The following CLBA1 variants were observed in gnomAD, a reference collection of about 807,000 sequenced individuals.
The protein encoded by CLBA1 is uncharacterized protein CLBA1.
A neutral mutation model predicts 28.8 loss-of-function variants in CLBA1; 30 were observed. The observed-to-expected ratio is 1.04, with a 90% CI of 0.78 to 1.41. The LOEUF (loss-of-function observed/expected upper bound fraction) is 1.41. Among genes scored for constraint, CLBA1 ranks in the 40% most tolerant of loss-of-function variants. The pLI is 0.00. For synonymous variants in CLBA1, 160 were observed against 152.8 expected (o/e 1.05, Z -0.35); for missense variants, 451 against 412.3 (o/e 1.09, Z -0.81).
chr14:104,986,749 A>C lies in CLBA1; in HGVS notation c.318A>C (p.Glu106Asp), dbSNP rs773829438. 1.3e-5 allele frequency: 21 copies of C among 1,613,886 alleles called. No individual in the cohort carries two copies. In the East Asian group the frequency reaches 2.2e-4, roughly 17 times the overall value. Residue 106 changes from glutamate (E) to aspartate (D), a missense_variant, in exon 1 of 5, where the codon GAA becomes GAC. By Grantham distance (45) the Glu-to-Asp change is conservative. Coordinates refer to ENST00000547315, the MANE Select transcript of CLBA1 (RefSeq NM_174891.4). ...TTGAACTCCTCGAGGGACCCACAGAACCCCAGCCACCGAGAACCACTTCTG... is the reference window on the plus strand; with the variant it reads ...TTGAACTCCTCGAGGGACCCACAGACCCCCAGCCACCGAGAACCACTTCTG... ...QSLELLEGPT[E>D]PQPPRTTSAP...
rs1023137805 is a variant in CLBA1, at chr14:104,986,101, C to G, written c.-331C>G. The G allele has an allele frequency of 3.2e-5, 11 of 344,482 alleles. No homozygotes were observed. Among genetic ancestry groups the G allele is most frequent in the Non-Finnish European group, 4.9e-5 (9 of 182,662 alleles). The allele number at this position is 344,482 out of a possible 1,614,324, so 21.3% of individuals were successfully genotyped here. A position where few individuals can be genotyped will look rare whatever the true frequency, so the allele number is the denominator to read the frequency against. ...GGGCCTCCCAGGCCCCCTCGCGGCT[C>G]TCTCCAGAGCAGGAGCCCCACCTTG... On this transcript the variant is annotated 5_prime_UTR_variant, in exon 1 of 5. Transcript: ENST00000547315.
chr14:104,994,683 A>G lies in CLBA1; in HGVS notation c.902A>G (p.His301Arg). 1 of 1,614,098 alleles carries G rather than the reference A, an allele frequency of 6.2e-7. No homozygotes were observed. Among genetic ancestry groups the G allele is most frequent in the African/African-American group, 1.3e-5 (1 of 75,068 alleles). Reference protein sequence around the residue: ...LKTPSCGGGQHITIPRKRMFT... With the variant: ...LKTPSCGGGQRITIPRKRMFT... ...ACCCCCTCATGCGGAGGTGGCCAGC[A>G]CATCACTATTCCAAGGAAAAGGATG... The change falls in exon 5 of 5, where the codon CAC (histidine) becomes CGC (arginine). Residue 301 changes from histidine (H) to arginine (R), a missense_variant. Coordinates refer to ENST00000547315, the MANE Select transcript of CLBA1 (RefSeq NM_174891.4).
At position 104,986,412 on chromosome 14, in the gene CLBA1, G is replaced by A. The variant is rs567482194; in HGVS notation, c.-20G>A. The A allele has an allele frequency of 1.6e-5, 25 of 1,608,194 alleles. No individual in the cohort carries two copies. Among genetic ancestry groups the A allele is most frequent in the South Asian group, 1.5e-4 (14 of 90,844 alleles). ...CTGAGCAGCTGCCCATCGGGCCTCT[G>A]CTGGCCTGGGGGCTCCAAGATGCAA... is the stretch of plus-strand genomic sequence containing the variant. On this transcript the variant is annotated 5_prime_UTR_variant, in exon 1 of 5. Coordinates refer to ENST00000547315, the MANE Select transcript of CLBA1 (RefSeq NM_174891.4).
chr14:104,989,500 A>G, intron 2 of CLBA1: 1 of 438,990 alleles, frequency 2.3e-6, no homozygotes, highest in Admixed American at 2.4e-5. Context: ...AGTTCTAGAA[A>G]ACGTTCCACA....
chr14:104,991,529 T>TAC lies in CLBA1; in HGVS notation c.613_614dup (p.Thr206ProfsTer24), dbSNP rs746021960. Reference sequence around the variant, plus strand: ...AAACTCTGGAGAGCCCTTCAGAGCATACACACCACGTCTACTTCTCAGCGC... The same window carrying TAC: ...AAACTCTGGAGAGCCCTTCAGAGCATACACACACCACGTCTACTTCTCAGCGC... On this transcript the variant is annotated frameshift_variant, in exon 3 of 5. Transcript: ENST00000547315. LOFTEE classifies it high-confidence loss of function. The TAC allele has an allele frequency of 6.2e-7, 1 of 1,613,952 alleles. No homozygotes were observed. The highest frequency in any genetic ancestry group is 1.3e-5 in the African/African-American group (1 of 74,952).
At position 104,986,196 on chromosome 14, in the gene CLBA1, G is replaced by A; in HGVS notation, c.-236G>A. On this transcript the variant is annotated 5_prime_UTR_variant, in exon 1 of 5. Transcript: ENST00000547315. ...TGTCGGACTCCGCGCCCGCCTGCGTGGGAGGAAGCCAGGACTCCCGGGCGA... is the reference window on the plus strand; with the variant it reads ...TGTCGGACTCCGCGCCCGCCTGCGTAGGAGGAAGCCAGGACTCCCGGGCGA... The A allele has an allele frequency of 1.7e-6, 1 of 576,984 alleles. No individual in the cohort carries two copies. Among genetic ancestry groups the A allele is most frequent in the Non-Finnish European group, 3.1e-6 (1 of 323,238 alleles). 35.7% of individuals were successfully genotyped at this position (576,984 alleles called of 1,614,324 possible). A position where few individuals can be genotyped will look rare whatever the true frequency, so the allele number is the denominator to read the frequency against.
In CLBA1 at chr14:104,991,626, C is replaced by A. The variant is rs758898935; in HGVS notation, c.699+6C>A. On this transcript the variant is annotated splice_donor_region_variant and intron_variant, in intron 3 of 4. Transcript: ENST00000547315. ...GAATAGATGCTGCGCAGAAGGTAGG[C>A]GGTTTGGGTTGACACAGGGCTCCTG... The A allele has an allele frequency of 6.2e-7, 1 of 1,604,894 alleles. No homozygotes were observed. Among genetic ancestry groups the A allele is most frequent in the South Asian group, 1.1e-5 (1 of 90,164 alleles).
At chr14:105,001,043 G>A (rs1376280486) in intron 2 of CLBA1, among the ~76,000 whole-genome samples, 2 of 134,308 alleles carry the variant, frequency 1.5e-5, no homozygotes, top group Non-Finnish European at 3.1e-5. Flanking sequence ...TGGTACATAC[G>A]CACAATGGGA....
At position 104,995,001 on chromosome 14, in the gene CLBA1, G is replaced by T; in HGVS notation, c.*242G>T. 8.5e-7 allele frequency: 1 copy of T among 1,173,328 alleles called. No homozygotes were observed. Among genetic ancestry groups the T allele is most frequent in the Non-Finnish European group, 1.1e-6 (1 of 947,822 alleles). The allele number at this position is 1,173,328 out of a possible 1,614,324, so 72.7% of individuals were successfully genotyped here. On this transcript the variant is annotated 3_prime_UTR_variant, in exon 5 of 5. Transcript: ENST00000547315. Reference sequence around the variant, plus strand: ...CTGGATGCCATGACAGGCTGTCGGGGTCCAGGTGGCACTCATGGGCCCCCT... The same window carrying T: ...CTGGATGCCATGACAGGCTGTCGGGTTCCAGGTGGCACTCATGGGCCCCCT...
At position 104,992,981 on chromosome 14, in the gene CLBA1, G is replaced by A. The variant is rs1900077952; in HGVS notation, c.733G>A (p.Asp245Asn). Residue 245 changes from aspartate (D) to asparagine (N), a missense_variant, in exon 4 of 5, where the codon GAT (aspartate) becomes AAT (asparagine). Coordinates refer to ENST00000547315, the MANE Select transcript of CLBA1 (RefSeq NM_174891.4). ...LSGGQGHIME[D>N]CDLKEPEGLL... ...TGGAGGCCAGGGCCACATCATGGAAGATTGTGACCTCAAAGAGCCTGAAGG... is the reference window on the plus strand; with the variant it reads ...TGGAGGCCAGGGCCACATCATGGAAAATTGTGACCTCAAAGAGCCTGAAGG... 6.2e-7 allele frequency: 1 copy of A among 1,614,140 alleles called. No homozygotes were observed. Among genetic ancestry groups the A allele is most frequent in the South Asian group, 1.1e-5 (1 of 91,084 alleles).
At position 104,986,454 on chromosome 14, in the gene CLBA1, G is replaced by C. The variant is rs754032855; in HGVS notation, c.23G>C (p.Gly8Ala). 29 of 1,612,778 alleles carry C rather than the reference G, an allele frequency of 1.8e-5. No homozygotes were observed. In the African/African-American group the frequency reaches 3.7e-4, roughly 21 times the overall value. MQGRREL[G>A]GEPLSDLQEE... ...AAGATGCAAGGCCGGCGGGAGCTGGGGGGAGAGCCTTTGAGTGACCTCCAG... is the reference window on the plus strand; with the variant it reads ...AAGATGCAAGGCCGGCGGGAGCTGGCGGGAGAGCCTTTGAGTGACCTCCAG... The change falls in exon 1 of 5, where the codon GGG becomes GCG. Residue 8 changes from glycine (G) to alanine (A), a missense_variant. Physicochemically the swap from Gly to Ala is moderately conservative, Grantham distance 60. Coordinates refer to ENST00000547315, the MANE Select transcript of CLBA1 (RefSeq NM_174891.4).
chr14:104,987,754 A>T (rs905075067), intron 1 of CLBA1, among the ~76,000 whole-genome samples: 4 of 149,512 alleles, frequency 2.7e-5, no homozygotes, highest in Non-Finnish European at 5.9e-5. Context: ...AGTAGCTGGG[A>T]TTACAGGCAT....
rs982041385 is a variant in CLBA1 at position 104,986,364 on chromosome 14, C to T, written c.-68C>T. On this transcript the variant is annotated 5_prime_UTR_variant, in exon 1 of 5. Transcript: ENST00000547315. ...GGAAGGTTGGGCAGTCCTGGGCGGC[C>T]AGCACCCCGGCGTGCATGTCTCCTG... 9.8e-6 allele frequency: 15 copies of T among 1,524,420 alleles called. No homozygotes were observed. The Middle Eastern group carries it at 5.9e-4, about 60-fold the overall frequency. The allele number at this position is 1,524,420 out of a possible 1,614,324, so 94.4% of individuals were successfully genotyped here. A position where few individuals can be genotyped will look rare whatever the true frequency, so the allele number is the denominator to read the frequency against.
intron 1 of CLBA1, 45 bp from the exon 2 acceptor site, chr14:104,988,898 T>C (rs1899940143): frequency 6.5e-7 from 1 of 1,535,754 alleles, no homozygotes. Context: ...ACGTTATGTA[T>C]GTCTTTCTCC....
Position 104,987,637 on chromosome 14 carries a change from T to TTTTTTTTTG in CLBA1, c.423+783_423+784insTTTTTTTTG, listed in dbSNP as rs1327414333. 2.5e-5 allele frequency among the ~76,000 whole-genome samples: 3 copies of TTTTTTTTTG among 120,482 alleles called. No homozygotes were observed. The South Asian group carries it at 8.2e-4, about 33-fold the overall frequency. The allele number at this position is 120,482 out of a possible 152,430, so 79.0% of individuals were successfully genotyped here. Reference sequence around the variant, plus strand: ...TTTTTTTTTTTTTTTTTTTTTTTTTTGAGACAGCCTCACTCTGTCGCTGAG... The same window carrying TTTTTTTTTG: ...TTTTTTTTTTTTTTTTTTTTTTTTTTTTTTTTTTGGAGACAGCCTCACTCTGTCGCTGAG... On this transcript the variant is annotated intron_variant, in intron 1 of 4. Coordinates refer to ENST00000547315, the MANE Select transcript of CLBA1 (RefSeq NM_174891.4).
At chr14:104,995,763 G>A (rs1390972630), downstream of CLBA1, among the ~76,000 whole-genome samples, 1 of 152,250 alleles carries the variant, frequency 6.6e-6, no homozygotes, top group African/African-American at 2.4e-5. Flanking sequence ...CCACCCAGCT[G>A]CATAGCCAGC....
At chr14:104,990,839 A>G (rs1595443379) in intron 2 of CLBA1, 1 of 153,078 alleles carries the variant, frequency 6.5e-6, no homozygotes, top group East Asian at 1.9e-4. Flanking sequence ...CGGAGCTTCC[A>G]CTCCTTGGAG....
chr14:104,994,904 C>A lies in CLBA1; in HGVS notation c.*145C>A. The A allele has an allele frequency of 1.4e-6, 2 of 1,401,490 alleles. No individual in the cohort carries two copies. The allele number at this position is 1,401,490 out of a possible 1,614,324, so 86.8% of individuals were successfully genotyped here. On this transcript the variant is annotated 3_prime_UTR_variant, in exon 5 of 5. Coordinates refer to ENST00000547315, the MANE Select transcript of CLBA1 (RefSeq NM_174891.4). ...TCTCCAACAGGACCTGTCCTGTGTT[C>A]TGGGCTTGTCTCGGGTCTGACCAGG...
Position 104,986,623 on chromosome 14 carries a change from C to T in CLBA1, c.192C>T (p.Cys64=), listed in dbSNP as rs374448675. 1 of 1,614,106 alleles carries T rather than the reference C, an allele frequency of 6.2e-7. No homozygotes were observed. The highest frequency in any genetic ancestry group is 1.1e-5 in the South Asian group (1 of 91,088). ...TGCCCCGTGAGGGCGGTTCCACCTG[C>T]ACTGCCCGATGTCCTGACCCTGGGG... ...ISMPREGGST[C]TARCPDPGEH... is the part of the protein sequence containing the mutation. The change falls in exon 1 of 5, where the codon TGC becomes TGT. Residue 64 remains cysteine (C), a synonymous_variant. Coordinates refer to ENST00000547315, the MANE Select transcript of CLBA1 (RefSeq NM_174891.4).
Sources: gnomAD v4.1 joint callset for allele counts (sites outside exome capture counted in the v4.1 genomes callset) on GRCh38, gnomAD v4.1.1 for gene constraint, MANE v1.5 for transcripts, NCBI Gene and HGNC (gene_info 2026-07-23, HGNC 2026-07-21) for gene names.